Variants in ASTL observed in about 807,000 individuals in gnomAD.
ASTL encodes the protein astacin like metalloendopeptidase, also known as astacin-like metalloendopeptidase.
In ASTL, 27 loss-of-function variants were observed where a neutral mutation model predicts 36.7. The ratio of observed to expected loss-of-function variants is 0.73; its 90% CI spans 0.54 to 1.01. The LOEUF (loss-of-function observed/expected upper bound fraction) is 1.01, where lower values mean the gene tolerates loss of function less well. Ranked by LOEUF, ASTL falls within the 50% of genes least tolerant of loss-of-function variation. The pLI, the probability that ASTL is intolerant of heterozygous loss-of-function variation, is 0.00. For synonymous variants in ASTL, 222 were observed against 228.1 expected (o/e 0.97, Z 0.24); for missense variants, 524 against 572.8 (o/e 0.91, Z 0.87).
intron 3 of ASTL, 60 bp downstream of exon 3, chr2:96,135,291 G>A (rs1198284723): frequency 1.4e-6 from 2 of 1,471,906 alleles, no homozygotes; most frequent in Non-Finnish European, 1.9e-6. Flanking sequence ...GGTGGGCTCA[G>A]AGGACCTGTC....
At chr2:96,134,760 G>A (rs1226325782) in intron 3 of ASTL, among the ~76,000 whole-genome samples, 1 of 152,214 alleles carries the variant, frequency 6.6e-6, no homozygotes, top group Non-Finnish European at 1.5e-5. Context: ...GGACAGTCTT[G>A]CCTTCCCCTG....
rs1211155543 is a variant in ASTL, at chr2:96,133,525, C to G, written c.355G>C (p.Val119Leu). The change falls in exon 5 of 9, where the codon GTC (valine) becomes CTC (leucine). Residue 119 changes from valine to leucine, a missense_variant. Coordinates refer to ENST00000342380, the MANE Select transcript of ASTL (RefSeq NM_001002036.4). ...AACTCCGCAAGAGCCTCCAGGATGA[C>G]CTGGCGGCTGGGCTCATCTGGAAGA... ...SSKYDEPSRQ[V>L]ILEALAEFER... The G allele has an allele frequency of 6.2e-7, 1 of 1,614,124 alleles. No homozygotes were observed. The highest frequency in any genetic ancestry group is 8.5e-7 in the Non-Finnish European group (1 of 1,179,956).
chr2:96,134,158 G>A, intron 3 of ASTL, 100 bp from the exon 4 acceptor site: 1 of 769,836 alleles, frequency 1.3e-6, no homozygotes, highest in Non-Finnish European at 2.3e-6. Context: ...CCAAAGATGT[G>A]GGAGTCAGGA....
chr2:96,125,963 T>C (rs1173481188), intron 8 of ASTL, among the ~76,000 whole-genome samples: 1 of 152,092 alleles, frequency 6.6e-6, no homozygotes, highest in Admixed American at 6.5e-5. Context: ...GGGGAAAGAA[T>C]GGTGCTGGAA....
rs1265943902 is a variant in ASTL at position 96,123,122 on chromosome 2, G to C, written c.*728C>G. On this transcript the variant is annotated 3_prime_UTR_variant, in exon 9 of 9. Coordinates refer to ENST00000342380, the MANE Select transcript of ASTL (RefSeq NM_001002036.4). ...GAGGAGGACAAGCCAGGTAACCCCAGCCCTTTCTCCTTCCAAGGCTGCGCC... is the reference window on the plus strand; with the variant it reads ...GAGGAGGACAAGCCAGGTAACCCCACCCCTTTCTCCTTCCAAGGCTGCGCC... 9.9e-5 allele frequency among the ~76,000 whole-genome samples: 15 copies of C among 152,252 alleles called. No homozygotes were observed. The highest frequency in any genetic ancestry group is 1.5e-5 in the Non-Finnish European group (1 of 68,034).
Position 96,124,952 on chromosome 2 carries a change from C to T in ASTL, c.875-681G>A, listed in dbSNP as rs2104762753. On this transcript the variant is annotated intron_variant, in intron 8 of 8. Transcript: ENST00000342380. The surrounding 1 kb of genome is among the most constrained non-coding windows in gnomAD (Gnocchi z 4.1). ...TGACTCTTCTACCAGGTCCTGTTAG[C>T]CTCACAGCCCACACCGCCCTCCAGA... 6.6e-6 allele frequency among the ~76,000 whole-genome samples: 1 copy of T among 152,342 alleles called. No individual in the cohort carries two copies. Among genetic ancestry groups the T allele is most frequent in the South Asian group, 2.1e-4 (1 of 4,826 alleles).
intron 5 of ASTL, 35 bp downstream of exon 5, chr2:96,133,390 C>A: frequency 7.3e-7 from 1 of 1,362,446 alleles, no homozygotes; most frequent in Non-Finnish European, 1.1e-6. Context: ...AACGCAGAAG[C>A]GAGCTGAGAT....
chr2:96,134,425 C>A (rs1163067824), intron 3 of ASTL, among the ~76,000 whole-genome samples: 1 of 152,206 alleles, frequency 6.6e-6, no homozygotes, highest in Non-Finnish European at 1.5e-5. Context: ...AGGGGAACAG[C>A]CACCAGGCTT....
chr2:96,134,045 A>G lies in ASTL; in HGVS notation c.257T>C (p.Leu86Pro), dbSNP rs2104775007. The part of the protein sequence containing the change: ...GDIIRPSPFR[L>P]LSATSNKWPM... ...CCATTTGTTGCTGGTTGCTGACAGCAGTCGGAAGGGACTCTGAGGAGAGAG... is the reference window on the plus strand; with the variant it reads ...CCATTTGTTGCTGGTTGCTGACAGCGGTCGGAAGGGACTCTGAGGAGAGAG... The change falls in exon 4 of 9, where the codon CTG (leucine) becomes CCG (proline). Residue 86 changes from leucine (L) to proline (P), a missense_variant. Leu to Pro is a moderately conservative substitution (Grantham distance 98). Coordinates refer to ENST00000342380, the MANE Select transcript of ASTL (RefSeq NM_001002036.4). The G allele has an allele frequency of 6.2e-7, 1 of 1,613,564 alleles. No individual in the cohort carries two copies. The highest frequency in any genetic ancestry group is 2.2e-5 in the East Asian group (1 of 44,886).
Position 96,132,058 on chromosome 2 carries a change from C to T in ASTL, c.637+482G>A, listed in dbSNP as rs1438662653. ...CTCACTGGCACCACTGGCACATGTC[C>T]CAGCCCCACAGTGCTGCCCTCAGCC... On this transcript the variant is annotated intron_variant, in intron 6 of 8. Transcript: ENST00000342380. This position sits in a 1 kb window ranked among gnomAD's most constrained non-coding sequence, Gnocchi z 5.4. 6.6e-6 allele frequency among the ~76,000 whole-genome samples: 1 copy of T among 152,224 alleles called. No homozygotes were observed. Among genetic ancestry groups the T allele is most frequent in the South Asian group, 2.1e-4 (1 of 4,832 alleles).
chr2:96,133,429 A>G lies in ASTL; in HGVS notation c.451T>C (p.Tyr151His). The change falls in exon 5 of 9, where the codon TAT becomes CAT. Residue 151 changes from tyrosine to histidine, a missense_variant. Physicochemically the swap from Tyr to His is moderately conservative, Grantham distance 83. Transcript: ENST00000342380. ...CATCCTGGCCCCGGCACTTACCCATACATGGGGATGATGGAAATGAAGTCT... is the reference window on the plus strand; with the variant it reads ...CATCCTGGCCCCGGCACTTACCCATGCATGGGGATGATGGAAATGAAGTCT... ...QRDFISIIPMYGCFSSVGRSG... is the reference protein window; with the variant it reads ...QRDFISIIPMHGCFSSVGRSG... The G allele has an allele frequency of 1.3e-6, 2 of 1,599,478 alleles. No homozygotes were observed. Among genetic ancestry groups the G allele is most frequent in the Admixed American group, 3.3e-5 (2 of 59,996 alleles).
At chr2:96,134,755 G>A (rs1266520608) in intron 3 of ASTL, among the ~76,000 whole-genome samples, 1 of 152,244 alleles carries the variant, frequency 6.6e-6, no homozygotes, top group Non-Finnish European at 1.5e-5. Context: ...CAACAGGACA[G>A]TCTTGCCTTC....
intron 2 of ASTL, among the ~76,000 whole-genome samples, chr2:96,137,102 CA>C (rs1444987113): frequency 1.3e-5 from 2 of 152,154 alleles, no homozygotes; most frequent in Non-Finnish European, 1.5e-5. Flanking sequence ...CTCAGCCTCC[CA>C]AAGTGCTGGG....
chr2:96,137,795 G>T, intron 1 of ASTL, 95 bp from the exon 2 acceptor site: 1 of 1,267,840 alleles, frequency 7.9e-7, no homozygotes, highest in Non-Finnish European at 1.1e-6. Flanking sequence ...GGATCAGACG[G>T]TAAGACTCAG....
chr2:96,135,224 AAG>A (rs1230617681), intron 3 of ASTL, 125 bp downstream of exon 3: 6 of 680,708 alleles, frequency 8.8e-6, no homozygotes, highest in Non-Finnish European at 1.5e-5. Flanking sequence ...CCTTGACAAA[AAG>A]AGGCATCTAC....
chr2:96,137,732 G>T, intron 1 of ASTL, 32 bp from the exon 2 acceptor site: 1 of 1,593,512 alleles, frequency 6.3e-7, no homozygotes. Context: ...ATACACAGAT[G>T]CCTGGAGCAC....
intron 5 of ASTL, 86 bp downstream of exon 5, chr2:96,133,339 A>T (rs551081371): frequency 1.2e-5 from 12 of 983,590 alleles, no homozygotes; most frequent in Non-Finnish European, 1.8e-5. Flanking sequence ...GGATGGGCCC[A>T]GGAATACATT....
rs1012100794 is a variant in ASTL at position 96,132,998 on chromosome 2, A to G, written c.456-277T>C. Among the ~76,000 whole-genome samples the G allele has an allele frequency of 2.6e-5, 4 of 152,190 alleles. No homozygotes were observed. Among genetic ancestry groups the G allele is most frequent in the Non-Finnish European group, 5.9e-5 (4 of 68,028 alleles). ...GAGGACAGAAGCAGCTTACTAAGTG[A>G]GCACACCCTCCTGGTCAGCCCTAAG... On this transcript the variant is annotated intron_variant, in intron 5 of 8. Coordinates refer to ENST00000342380, the MANE Select transcript of ASTL (RefSeq NM_001002036.4). The surrounding 1 kb of genome is among the most constrained non-coding windows in gnomAD (Gnocchi z 5.4).
chr2:96,123,727 C>G lies in ASTL; in HGVS notation c.*123G>C. On this transcript the variant is annotated 3_prime_UTR_variant, in exon 9 of 9. Transcript: ENST00000342380. ...GAGACAGGGGAAGAGTCCTGGCCCTCTGAGATGGGGTGGTAGGTTGGGGCT... is the reference window on the plus strand; with the variant it reads ...GAGACAGGGGAAGAGTCCTGGCCCTGTGAGATGGGGTGGTAGGTTGGGGCT... 1.3e-6 allele frequency: 1 copy of G among 753,824 alleles called. No individual in the cohort carries two copies. The highest frequency in any genetic ancestry group is 2.2e-6 in the Non-Finnish European group (1 of 460,828). The allele number at this position is 753,824 out of a possible 1,614,324, so 46.7% of individuals were successfully genotyped here. A position where few individuals can be genotyped will look rare whatever the true frequency, so the allele number is the denominator to read the frequency against.
Sources: gnomAD v4.1 joint callset for allele counts (sites outside exome capture counted in the v4.1 genomes callset) on GRCh38, gnomAD v4.1.1 for gene constraint, Gnocchi (gnomAD v3.1) non-coding constraint, MANE v1.5 for transcripts, NCBI Gene and HGNC (gene_info 2026-07-23, HGNC 2026-07-21) for gene names.